SCGN: variants seen among roughly 807,000 people sequenced by gnomAD.
The protein encoded by SCGN is secretagogin, EF-hand calcium binding protein, also known as secretagogin.
Under a neutral mutation model 39.7 loss-of-function variants are expected in SCGN, and 30 were observed. That is an observed-to-expected ratio of 0.76 (90% CI 0.57 to 1.03). SCGN has a LOEUF of 1.03. SCGN is among the 50% of genes least tolerant of loss of function. The pLI, the probability that SCGN is intolerant of heterozygous loss-of-function variation, is 0.00. For synonymous variants in SCGN, 106 were observed against 114.1 expected (o/e 0.93, Z 0.45); for missense variants, 353 against 349.4 (o/e 1.01, Z -0.08).
At chr6:25,700,761 C>T (rs1204176771) in intron 10 of SCGN, among the ~76,000 whole-genome samples, 1 of 152,138 alleles carries the variant, frequency 6.6e-6, no homozygotes, top group African/African-American at 2.4e-5. Flanking sequence ...ACATCCCTAG[C>T]TCAACCACAT....
At chr6:25,693,177 C>A (rs191088729) in intron 10 of SCGN, among the ~76,000 whole-genome samples, 11 of 151,974 alleles carry the variant, frequency 7.2e-5, no homozygotes, top group Non-Finnish European at 1.2e-4. Flanking sequence ...AGCGGCCGGG[C>A]GCGGTGGCTC....
At chr6:25,674,055 C>T (rs572251564) in intron 6 of SCGN, among the ~76,000 whole-genome samples, 6 of 152,260 alleles carry the variant, frequency 3.9e-5, no homozygotes, top group Admixed American at 2.0e-4. Flanking sequence ...ATAGCAAGGA[C>T]AGCACCAAGG....
intron 9 of SCGN, 83 bp from the exon 10 acceptor site, chr6:25,690,973 A>C: frequency 9.7e-7 from 1 of 1,029,120 alleles, no homozygotes; most frequent in Non-Finnish European, 1.5e-6. Flanking sequence ...AAGAATACTG[A>C]TACGGTTTAT....
rs144482729 is a variant in SCGN at position 25,672,151 on chromosome 6, C to T, written c.471+2075C>T. ...TCTGTAGCCTTCCCTCCACGGTGAG[C>T]CCAGTACCCCTTCTCTGTGCCTGTG... On this transcript the variant is annotated intron_variant, in intron 6 of 10. Coordinates refer to ENST00000377961, the MANE Select transcript of SCGN (RefSeq NM_006998.4). Among the ~76,000 whole-genome samples the T allele has an allele frequency of 5.6e-3, 852 of 152,334 alleles. 8 individuals carry two copies. Among genetic ancestry groups the T allele is most frequent in the South Asian group, 0.013 (61 of 4,824 alleles).
At position 25,652,341 on chromosome 6, in the gene SCGN, G is replaced by GA; in HGVS notation, c.-63_-62insA. The GA allele has an allele frequency of 1.5e-6, 1 of 669,268 alleles. No individual in the cohort carries two copies. Among genetic ancestry groups the GA allele is most frequent in the Non-Finnish European group, 2.3e-6 (1 of 442,668 alleles). 41.5% of individuals were successfully genotyped at this position (669,268 alleles called of 1,614,324 possible). A position where few individuals can be genotyped will look rare whatever the true frequency, so the allele number is the denominator to read the frequency against. On this transcript the variant is annotated 5_prime_UTR_variant, in exon 1 of 11. Coordinates refer to ENST00000377961, the MANE Select transcript of SCGN (RefSeq NM_006998.4). ...AGAGCAAGTCAAGAAATACGGTGAA[G>GA]GAGTCCTTCCCAAAGTTGTCTAGGT...
intron 8 of SCGN, 23 bp from the exon 9 acceptor site, chr6:25,689,450 C>T: frequency 6.2e-7 from 1 of 1,604,780 alleles, no homozygotes; most frequent in East Asian, 2.2e-5. Context: ...GCTGGACTGA[C>T]ATAATGTTTT....
At chr6:25,662,408 T>C (rs1760352515) in intron 3 of SCGN, among the ~76,000 whole-genome samples, 1 of 152,166 alleles carries the variant, frequency 6.6e-6, no homozygotes, top group Non-Finnish European at 1.5e-5. Context: ...CTTATAGATA[T>C]GAATCTATAC....
At chr6:25,692,521 G>A (rs1759785694) in intron 10 of SCGN, among the ~76,000 whole-genome samples, 1 of 152,216 alleles carries the variant, frequency 6.6e-6, no homozygotes, top group South Asian at 2.1e-4. Context: ...CCAGCTGTGA[G>A]TGTGGATGCA....
At chr6:25,667,509 A>T (rs1328302576) in intron 4 of SCGN, among the ~76,000 whole-genome samples, 5 of 152,164 alleles carry the variant, frequency 3.3e-5, no homozygotes, top group African/African-American at 4.8e-5. Flanking sequence ...CCACCAGCTC[A>T]TGTGCCATTA....
chr6:25,670,288 G>C (rs1759478064), intron 6 of SCGN, among the ~76,000 whole-genome samples: 1 of 152,216 alleles, frequency 6.6e-6, no homozygotes, highest in Admixed American at 6.5e-5. Context: ...AGAGAAAGCT[G>C]TTCACCAGTC....
intron 6 of SCGN, among the ~76,000 whole-genome samples, chr6:25,678,523 G>T (rs962377799): frequency 6.6e-6 from 1 of 152,106 alleles, no homozygotes; most frequent in African/African-American, 2.4e-5. Context: ...TTTATCTGCA[G>T]CCTGTCTGTG....
At chr6:25,693,045 GCAC>G (rs1429762951) in intron 10 of SCGN, among the ~76,000 whole-genome samples, 8 of 152,102 alleles carry the variant, frequency 5.3e-5, no homozygotes, top group Non-Finnish European at 1.2e-4. Context: ...CATTATATGG[GCAC>G]AACAATATTT....
intron 6 of SCGN, among the ~76,000 whole-genome samples, chr6:25,680,293 T>G (rs1282860511): frequency 6.6e-6 from 1 of 152,156 alleles, no homozygotes; most frequent in Admixed American, 6.5e-5. Context: ...CTTCCCTCAT[T>G]ATTAATATTT....
At chr6:25,668,965 G>T (rs1329269286) in intron 4 of SCGN, among the ~76,000 whole-genome samples, 1 of 152,070 alleles carries the variant, frequency 6.6e-6, no homozygotes, top group Non-Finnish European at 1.5e-5. Context: ...CCAAAAATTA[G>T]CCAGGCGTGG....
chr6:25,694,439 T>C (rs1485707013), intron 10 of SCGN, among the ~76,000 whole-genome samples: 1 of 152,230 alleles, frequency 6.6e-6, no homozygotes, highest in Admixed American at 6.5e-5. Context: ...CGTTCTTCAA[T>C]GGATTTATAT....
At chr6:25,652,542 C>T (rs1298249142) in intron 1 of SCGN, 57 bp downstream of exon 1, 1 of 1,525,906 alleles carries the variant, frequency 6.6e-7, no homozygotes, top group African/African-American at 1.4e-5. Flanking sequence ...AAGCTCAGCC[C>T]GCTGAAAGGA....
At chr6:25,674,296 G>A (rs1011394839) in intron 6 of SCGN, among the ~76,000 whole-genome samples, 1 of 152,194 alleles carries the variant, frequency 6.6e-6, no homozygotes, top group African/African-American at 2.4e-5. Flanking sequence ...AAGACAAAAT[G>A]AGTTCAATGA....
chr6:25,663,137 T>G (rs1001369408), intron 3 of SCGN, among the ~76,000 whole-genome samples: 9 of 152,224 alleles, frequency 5.9e-5, no homozygotes, highest in African/African-American at 2.2e-4. Context: ...TAAAACGCAA[T>G]GAGTCTGTGA....
chr6:25,656,091 T>G (rs1760222675), intron 2 of SCGN, among the ~76,000 whole-genome samples: 5 of 152,216 alleles, frequency 3.3e-5, no homozygotes, highest in Admixed American at 2.0e-4. Context: ...TTGTCTCTGA[T>G]GAGTAATAAG....
Sources: gnomAD v4.1 joint callset for allele counts (sites outside exome capture counted in the v4.1 genomes callset) on GRCh38, gnomAD v4.1.1 for gene constraint, MANE v1.5 for transcripts, NCBI Gene and HGNC (gene_info 2026-07-23, HGNC 2026-07-21) for gene names.